The following CECR2 variants were observed in gnomAD, a reference collection of about 807,000 sequenced individuals.
The protein encoded by CECR2 is chromatin remodeling regulator CECR2.
Under a neutral mutation model 154.5 loss-of-function variants are expected in CECR2, and 30 were observed. The ratio of observed to expected loss-of-function variants is 0.19; its 90% CI spans 0.15 to 0.26. The LOEUF is 0.26. CECR2 is among the 10% of genes least tolerant of loss of function. CECR2 has a pLI of 1.00. For synonymous variants in CECR2, 725 were observed against 683.7 expected, an observed-to-expected ratio of 1.06 and a Z score of -0.94; for missense variants, 1,743 against 1,829.3, an observed-to-expected ratio of 0.95 and a Z score of 0.86.
At chr22:17,412,232 AGACTG>A (rs1200739031) in intron 1 of CECR2, among the ~76,000 whole-genome samples, 3 of 152,216 alleles carry the variant, frequency 2.0e-5, no homozygotes, top group African/African-American at 4.8e-5. Flanking sequence ...TAACTAGAAA[AGACTG>A]GGGAAGGGTC....
chr22:17,386,013 A>C (rs182840793), intron 1 of CECR2, among the ~76,000 whole-genome samples: 1 of 152,346 alleles, frequency 6.6e-6, no homozygotes, highest in East Asian at 1.9e-4. Context: ...GGATTACCCT[A>C]CATCATGTAA....
upstream of CECR2, among the ~76,000 whole-genome samples, chr22:17,367,195 T>G (rs2063006637): frequency 6.6e-6 from 1 of 152,112 alleles, no homozygotes; most frequent in Non-Finnish European, 1.5e-5. Context: ...GGGTGGTGTT[T>G]GTAAACGACA....
chr22:17,367,954 A>G (rs1415426374), upstream of CECR2, among the ~76,000 whole-genome samples: 1 of 152,196 alleles, frequency 6.6e-6, no homozygotes, highest in African/African-American at 2.4e-5. Flanking sequence ...TTGAGGATGC[A>G]CTTTAAATCA....
At chr22:17,394,197 C>CTTTTTTTTTTTTTTTTT (rs71200271) in intron 1 of CECR2, among the ~76,000 whole-genome samples, 2 of 97,088 alleles carry the variant, frequency 2.1e-5, no homozygotes, top group African/African-American at 4.2e-5. Context: ...GCTGCCGCTG[C>CTTTTTTTTTTTTTTTTT]TTTTTTTTTT....
At chr22:17,428,234 G>C (rs1479367441) in intron 1 of CECR2, 1 of 152,138 alleles carries the variant, frequency 6.6e-6, no homozygotes, top group Non-Finnish European at 1.5e-5. Context: ...TTGTCAGATG[G>C]TTAGATTGCA....
intron 1 of CECR2, chr22:17,360,172 A>G (rs1288277205): frequency 6.6e-6 from 1 of 152,280 alleles, no homozygotes; most frequent in Admixed American, 6.5e-5. Flanking sequence ...TCAAGTATAC[A>G]TGAAAGGCTT....
chr22:17,465,231 C>T (rs1309060036), intron 1 of CECR2, among the ~76,000 whole-genome samples: 1 of 152,050 alleles, frequency 6.6e-6, no homozygotes, highest in Admixed American at 6.6e-5. Context: ...CTCCTGACCT[C>T]GTGATCCGCC....
At chr22:17,419,455 C>A in intron 1 of CECR2, 1 of 198,616 alleles carries the variant, frequency 5.0e-6, no homozygotes, top group Non-Finnish European at 1.1e-5. Context: ...TGATGAGGAT[C>A]CCCCACGCCT....
At chr22:17,521,278 C>T (rs1046007001) in intron 8 of CECR2, among the ~76,000 whole-genome samples, 1 of 152,150 alleles carries the variant, frequency 6.6e-6, no homozygotes, top group African/African-American at 2.4e-5. Flanking sequence ...CAGTGGCTCA[C>T]GCCTGTAATC....
At chr22:17,400,182 AAT>A (rs1569056524) in intron 1 of CECR2, among the ~76,000 whole-genome samples, 1 of 152,220 alleles carries the variant, frequency 6.6e-6, no homozygotes, top group East Asian at 1.9e-4. Flanking sequence ...GGAATTGGGT[AAT>A]ATGTTTTATA....
At chr22:17,376,103 G>C (rs138185927) in intron 1 of CECR2, among the ~76,000 whole-genome samples, 2 of 152,296 alleles carry the variant, frequency 1.3e-5, no homozygotes, top group African/African-American at 4.8e-5. Flanking sequence ...CAGAAGGACA[G>C]ATCTGTGCAG....
chr22:17,448,467 G>C (rs2054713889), intron 1 of CECR2, among the ~76,000 whole-genome samples: 1 of 152,164 alleles, frequency 6.6e-6, no homozygotes, highest in Non-Finnish European at 1.5e-5. Context: ...GCCTCCATTT[G>C]TTATGTGACC....
At chr22:17,450,300 C>T (rs1194639105) in intron 1 of CECR2, among the ~76,000 whole-genome samples, 1 of 152,168 alleles carries the variant, frequency 6.6e-6, no homozygotes, top group Non-Finnish European at 1.5e-5. Context: ...TAGATGGAGT[C>T]TCACTCTGTC....
At chr22:17,412,492 C>T (rs1163183835) in intron 1 of CECR2, among the ~76,000 whole-genome samples, 1 of 152,082 alleles carries the variant, frequency 6.6e-6, no homozygotes, top group Non-Finnish European at 1.5e-5. Context: ...CCTTTGGCTC[C>T]CAGCTCCTAA....
At chr22:17,528,814 G>A (rs542865072) in intron 9 of CECR2, among the ~76,000 whole-genome samples, 4 of 152,340 alleles carry the variant, frequency 2.6e-5, no homozygotes, top group Admixed American at 2.6e-4. Context: ...GGGAATACAA[G>A]CGTGAGCACA....
In CECR2 at chr22:17,541,320, G is replaced by A. The variant is rs575735228; in HGVS notation, c.1885-519G>A. ...AATACAAAAATTAGTCAGGTGTGGT[G>A]GCGCTACTCAGCTACTCAGGAGGCT... On this transcript the variant is annotated intron_variant, in intron 14 of 18. Coordinates refer to ENST00000262608, the MANE Select transcript of CECR2 (RefSeq NM_001290047.2). Among the ~76,000 whole-genome samples, 13 of 152,222 alleles carry A rather than the reference G, an allele frequency of 8.5e-5. No individual in the cohort carries two copies. In the East Asian group the frequency reaches 2.3e-3, roughly 27 times the overall value.
intron 14 of CECR2, among the ~76,000 whole-genome samples, chr22:17,541,391 G>T (rs996058038): frequency 6.6e-6 from 1 of 152,192 alleles, no homozygotes; most frequent in African/African-American, 2.4e-5. Flanking sequence ...TTTGCAGTGA[G>T]CTGAGATCGT....
chr22:17,433,370 T>C (rs1183925705), intron 1 of CECR2, among the ~76,000 whole-genome samples: 2 of 152,198 alleles, frequency 1.3e-5, no homozygotes, highest in Admixed American at 1.3e-4. Flanking sequence ...ACTCAAACCA[T>C]GTGTTGATTT....
intron 2 of CECR2, among the ~76,000 whole-genome samples, chr22:17,491,967 T>G (rs917731021): frequency 6.7e-6 from 1 of 150,350 alleles, no homozygotes; most frequent in African/African-American, 2.5e-5. Context: ...TAGTAGCTAT[T>G]CTACAGCCCT....
Sources: allele counts gnomAD v4.1 joint callset (sites outside exome capture counted in the v4.1 genomes callset), GRCh38; gene constraint gnomAD v4.1.1; transcripts MANE v1.5; gene names NCBI Gene and HGNC (gene_info 2026-07-23, HGNC 2026-07-21).